ZFHX3: variants seen among roughly 807,000 people sequenced by gnomAD.
ZFHX3 encodes the protein zinc finger homeobox protein 3.
Under a neutral mutation model 279.1 loss-of-function variants are expected in ZFHX3, and 42 were observed. The observed-to-expected ratio is 0.15, with a 90% CI of 0.12 to 0.19. The LOEUF is 0.19. Ranked by LOEUF, ZFHX3 falls within the 10% of genes least tolerant of loss-of-function variation. The pLI, the probability that ZFHX3 is intolerant of heterozygous loss-of-function variation, is 1.00. For synonymous variants in ZFHX3, 2,293 were observed against 1,957.8 expected (o/e 1.17, Z -4.52); for missense variants, 4,981 against 4,754.0 (o/e 1.05, Z -1.40).
At chr16:73,120,100 G>C (rs11075966) in intron 7 of ZFHX3, among the ~76,000 whole-genome samples, 86,636 of 151,906 alleles carry the variant, frequency 0.57, 26,222 homozygotes, top group Middle Eastern at 0.76. Flanking sequence ...ATACACAGTT[G>C]ATGTTTGTTT....
At chr16:72,831,032 T>C (rs2143728169) in intron 4 of ZFHX3, among the ~76,000 whole-genome samples, 1 of 152,260 alleles carries the variant, frequency 6.6e-6, no homozygotes, top group South Asian at 2.1e-4. Context: ...AATTCAACTT[T>C]TCAGTATTTT....
chr16:73,189,608 T>C (rs552730599), intron 5 of ZFHX3, among the ~76,000 whole-genome samples: 12 of 152,320 alleles, frequency 7.9e-5, no homozygotes, highest in African/African-American at 2.9e-4. Context: ...ATTTTGCTTT[T>C]TGCAGCCATG....
chr16:72,989,575 T>C (rs1392798608), intron 1 of ZFHX3, among the ~76,000 whole-genome samples: 1 of 152,044 alleles, frequency 6.6e-6, no homozygotes, highest in Non-Finnish European at 1.5e-5. Flanking sequence ...ACAGTGCACA[T>C]GGATAAGTCA....
intron 2 of ZFHX3, among the ~76,000 whole-genome samples, chr16:73,507,793 G>A (rs1340509541): frequency 6.6e-6 from 1 of 152,118 alleles, no homozygotes; most frequent in African/African-American, 2.4e-5. Context: ...GAGCCACTGT[G>A]CCTGGCCTCT....
At chr16:73,481,163 T>C (rs1373094593) in intron 2 of ZFHX3, among the ~76,000 whole-genome samples, 1 of 152,066 alleles carries the variant, frequency 6.6e-6, no homozygotes, top group Non-Finnish European at 1.5e-5. Flanking sequence ...ACCCTGACTC[T>C]ATTAAAAATA....
chr16:73,119,729 G>T (rs1371856806), intron 7 of ZFHX3, among the ~76,000 whole-genome samples: 1 of 152,158 alleles, frequency 6.6e-6, no homozygotes, highest in Non-Finnish European at 1.5e-5. Flanking sequence ...CTATCCCCCA[G>T]GCTGGAATGC....
chr16:73,043,075 T>G (rs1597128433), intron 1 of ZFHX3, among the ~76,000 whole-genome samples: 1 of 152,150 alleles, frequency 6.6e-6, no homozygotes, highest in South Asian at 2.1e-4. Context: ...GCAGATGTTT[T>G]GCCCGCCTCA....
intron 1 of ZFHX3, chr16:73,016,149 A>C (rs1597094577): frequency 6.6e-6 from 1 of 152,354 alleles, no homozygotes; most frequent in South Asian, 2.1e-4. Context: ...AAGCCAGACT[A>C]CCCAACCACT....
At chr16:73,055,690 G>GCACACACACA (rs1202258646) in intron 1 of ZFHX3, among the ~76,000 whole-genome samples, 9 of 91,160 alleles carry the variant, frequency 9.9e-5, no homozygotes, top group African/African-American at 2.9e-4. Flanking sequence ...GCGCGCGCGC[G>GCACACACACA]CGCGCGCGCA....
intron 3 of ZFHX3, among the ~76,000 whole-genome samples, chr16:73,373,623 G>C (rs1228528542): frequency 1.3e-5 from 2 of 152,202 alleles, no homozygotes; most frequent in African/African-American, 2.4e-5. Flanking sequence ...TATAGGTTCT[G>C]CTAAGGACAG....
At chr16:73,351,514 C>T (rs1426920617) in intron 3 of ZFHX3, among the ~76,000 whole-genome samples, 1 of 152,172 alleles carries the variant, frequency 6.6e-6, no homozygotes, top group Non-Finnish European at 1.5e-5. Context: ...GAACCTGTTT[C>T]TTTCCCCCCA....
At chr16:73,803,041 T>C (rs1271182291) in intron 1 of ZFHX3, among the ~76,000 whole-genome samples, 1 of 152,168 alleles carries the variant, frequency 6.6e-6, no homozygotes, top group Non-Finnish European at 1.5e-5. Context: ...CCTCAGGAGA[T>C]TTGCCCGCCT....
chr16:73,806,291 G>A (rs1487530443), intron 1 of ZFHX3, among the ~76,000 whole-genome samples: 3 of 152,180 alleles, frequency 2.0e-5, no homozygotes, highest in African/African-American at 7.2e-5. Flanking sequence ...GAAAATTCCA[G>A]GCAGAGGCAA....
rs780666039 is a variant in ZFHX3 at position 72,959,849 on chromosome 16, G to A, written c.297C>T (p.Cys99=). 8.8e-6 allele frequency: 14 copies of A among 1,598,844 alleles called. No homozygotes were observed. The South Asian group carries it at 1.6e-4, about 18-fold the overall frequency. Residue 99 remains cysteine, a synonymous_variant, in exon 2 of 10, where the codon TGC becomes TGT. Coordinates refer to ENST00000268489, the MANE Select transcript of ZFHX3 (RefSeq NM_006885.4). Reference sequence around the variant, plus strand: ...GGGGTGGCGGGGGGCGCGCGCTGGGGCAGTGGTGCTCCATGTAGGTCTGGA... The same window carrying A: ...GGGGTGGCGGGGGGCGCGCGCTGGGACAGTGGTGCTCCATGTAGGTCTGGA... ...ASLQTYMEHH[C]PSARPPPPLR... is the part of the protein sequence containing the mutation.
chr16:73,541,455 C>T (rs1031725766), intron 2 of ZFHX3, among the ~76,000 whole-genome samples: 2 of 151,990 alleles, frequency 1.3e-5, no homozygotes, highest in African/African-American at 4.8e-5. Flanking sequence ...CACTACACTC[C>T]AGCCTGGGGG....
intron 1 of ZFHX3, among the ~76,000 whole-genome samples, chr16:72,982,890 G>A (rs764061617): frequency 3.9e-5 from 6 of 152,138 alleles, no homozygotes; most frequent in African/African-American, 9.7e-5. Context: ...AGCTGTCAAC[G>A]TCCAGGAGCT....
At chr16:73,488,527 T>C (rs1011015936) in intron 2 of ZFHX3, among the ~76,000 whole-genome samples, 22 of 152,118 alleles carry the variant, frequency 1.4e-4, no homozygotes, top group African/African-American at 5.3e-4. Flanking sequence ...TGGAAACAAC[T>C]GGCAGATCTC....
At chr16:73,398,005 CG>C in intron 3 of ZFHX3, among the ~76,000 whole-genome samples, 1 of 152,178 alleles carries the variant, frequency 6.6e-6, no homozygotes, top group Non-Finnish European at 1.5e-5. Flanking sequence ...CCACCATGCC[CG>C]GCTAATTTTT....
intron 4 of ZFHX3, among the ~76,000 whole-genome samples, chr16:73,267,851 C>T (rs1362486062): frequency 6.6e-6 from 1 of 152,136 alleles, no homozygotes; most frequent in East Asian, 1.9e-4. Context: ...TTATTTTTCT[C>T]CCCAGAGTTT....
Sources: allele counts gnomAD v4.1 joint callset (sites outside exome capture counted in the v4.1 genomes callset), GRCh38; gene constraint gnomAD v4.1.1; transcripts MANE v1.5; gene names NCBI Gene and HGNC (gene_info 2026-07-23, HGNC 2026-07-21).